The following NLGN1 variants were observed in gnomAD, a reference collection of about 807,000 sequenced individuals.
NLGN1 encodes the protein neuroligin-1.
Under a neutral mutation model 65.5 loss-of-function variants are expected in NLGN1, and 12 were observed. The ratio of observed to expected loss-of-function variants is 0.18; its 90% CI spans 0.12 to 0.30. NLGN1 has a LOEUF of 0.30. Among genes scored for constraint, NLGN1 ranks in the 10% least tolerant of loss-of-function variants. The pLI, the probability that NLGN1 is intolerant of heterozygous loss-of-function variation, is 1.00. For missense variants in NLGN1, 750 were observed against 1,007.1 expected, an observed-to-expected ratio of 0.74 and a Z score of 3.46; for synonymous variants, 350 against 359.5, an observed-to-expected ratio of 0.97 and a Z score of 0.30.
At chr3:173,537,399 C>T (rs972790280) in intron 2 of NLGN1, among the ~76,000 whole-genome samples, 1 of 152,024 alleles carries the variant, frequency 6.6e-6, no homozygotes, top group Non-Finnish European at 1.5e-5. Flanking sequence ...TTCTCCTTGA[C>T]ATTCCATAAC....
intron 4 of NLGN1, among the ~76,000 whole-genome samples, chr3:174,267,232 C>T (rs1246406148): frequency 6.6e-6 from 1 of 152,190 alleles, no homozygotes; most frequent in Non-Finnish European, 1.5e-5. Context: ...GTACAAGAAA[C>T]ATCACAGCAG....
intron 4 of NLGN1, among the ~76,000 whole-genome samples, chr3:174,015,697 G>A (rs1266929887): frequency 6.6e-6 from 1 of 152,080 alleles, no homozygotes; most frequent in East Asian, 1.9e-4. Flanking sequence ...TTTTTACAAT[G>A]GAGAAAACAG....
intron 2 of NLGN1, among the ~76,000 whole-genome samples, chr3:173,450,006 CTCTTTATCCAAT>C (rs1271154166): frequency 6.6e-6 from 1 of 152,156 alleles, no homozygotes; most frequent in African/African-American, 2.4e-5. Flanking sequence ...TGGGTGTTGA[CTCTTTATCCAAT>C]TTGCCAGTCT....
intron 3 of NLGN1, among the ~76,000 whole-genome samples, chr3:173,767,838 G>T (rs1470121974): frequency 6.6e-6 from 1 of 151,936 alleles, no homozygotes; most frequent in Non-Finnish European, 1.5e-5. Context: ...CAAATCATTT[G>T]TCAAAATTCA....
intron 3 of NLGN1, among the ~76,000 whole-genome samples, chr3:173,692,759 A>T (rs1765658912): frequency 6.6e-6 from 1 of 152,112 alleles, no homozygotes; most frequent in African/African-American, 2.4e-5. Flanking sequence ...ACTTTTTTGC[A>T]ATATACTTAG....
intron 3 of NLGN1, among the ~76,000 whole-genome samples, chr3:173,609,965 A>G (rs1474666262): frequency 6.6e-6 from 1 of 151,878 alleles, no homozygotes; most frequent in East Asian, 1.9e-4. Context: ...AATATAGCAG[A>G]TCTGGAAAGG....
At chr3:173,685,475 A>G (rs568015140) in intron 3 of NLGN1, among the ~76,000 whole-genome samples, 1 of 152,176 alleles carries the variant, frequency 6.6e-6, no homozygotes, top group Non-Finnish European at 1.5e-5. Flanking sequence ...TACTTAAACA[A>G]TATTGCTGGG....
intron 4 of NLGN1, among the ~76,000 whole-genome samples, chr3:173,906,939 A>C (rs1738540751): frequency 6.6e-6 from 1 of 152,062 alleles, no homozygotes; most frequent in Non-Finnish European, 1.5e-5. Flanking sequence ...TTAATTAATA[A>C]ATGCTTGAAA....
chr3:173,605,101 T>A lies in NLGN1; in HGVS notation c.493+10T>A. On this transcript the variant is annotated intron_variant, in intron 3 of 6. Coordinates refer to ENST00000457714, the Ensembl canonical transcript of NLGN1. Reference sequence around the variant, plus strand: ...GTCCCGACTGAGGATGGTGAGTTTATTGCAGGAAAAACAGGGAGATATATT... The same window carrying A: ...GTCCCGACTGAGGATGGTGAGTTTAATGCAGGAAAAACAGGGAGATATATT... 6.3e-7 allele frequency: 1 copy of A among 1,582,088 alleles called. No individual in the cohort carries two copies. The highest frequency in any genetic ancestry group is 8.6e-7 in the Non-Finnish European group (1 of 1,165,962).
chr3:173,865,563 A>G lies in NLGN1; in HGVS notation c.646+57731A>G, dbSNP rs77998601. Among the ~76,000 whole-genome samples the G allele has an allele frequency of 4.4e-3, 673 of 152,282 alleles. 2 individuals carry two copies. The highest frequency in any genetic ancestry group is 0.014 in the Middle Eastern group (4 of 294). Reference sequence around the variant, plus strand: ...CACAATCTTACGGATAAAAACTTGCAGCACTGATAGATTTTTAAAAAAACA... The same window carrying G: ...CACAATCTTACGGATAAAAACTTGCGGCACTGATAGATTTTTAAAAAAACA... On this transcript the variant is annotated intron_variant, in intron 4 of 6. Coordinates refer to ENST00000457714, the Ensembl canonical transcript of NLGN1.
intron 4 of NLGN1, among the ~76,000 whole-genome samples, chr3:173,971,145 A>G (rs1309090279): frequency 1.3e-5 from 2 of 152,188 alleles, no homozygotes; most frequent in Non-Finnish European, 2.9e-5. Flanking sequence ...TGGAAAAATA[A>G]AATAAAATCC....
chr3:173,809,721 G>A (rs1248364424), intron 4 of NLGN1, among the ~76,000 whole-genome samples: 1 of 152,038 alleles, frequency 6.6e-6, no homozygotes, highest in African/African-American at 2.4e-5. Context: ...GAACTGATGA[G>A]GACTTGACTT....
intron 4 of NLGN1, among the ~76,000 whole-genome samples, chr3:174,035,171 A>G (rs1376016402): frequency 1.3e-5 from 2 of 152,134 alleles, no homozygotes; most frequent in Admixed American, 6.6e-5. Flanking sequence ...AGTGGTATTT[A>G]CTCTATGTTT....
Position 173,512,716 on chromosome 3 carries a change from G to A in NLGN1, c.-321+77638G>A, listed in dbSNP as rs79963543. 1.5e-3 allele frequency among the ~76,000 whole-genome samples: 231 copies of A among 152,220 alleles called. No individual in the cohort carries two copies. In the East Asian group the frequency reaches 0.032, roughly 21 times the overall value. ...TTCAGGCTTTTTGGTTCAAAGGTGG[G>A]GATTTGCCAGGGACCAACCCCTGTC... On this transcript the variant is annotated intron_variant, in intron 2 of 6. Coordinates refer to ENST00000457714, the Ensembl canonical transcript of NLGN1.
chr3:174,286,414 A>G (rs1246157968), exon 7 of NLGN1: 2 of 151,532 alleles, frequency 1.3e-5, no homozygotes, highest in Admixed American at 1.3e-4. Flanking sequence ...CCATTTTTGA[A>G]TGCCATTTTC....
intron 4 of NLGN1, among the ~76,000 whole-genome samples, chr3:174,131,765 A>G (rs753984613): frequency 1.1e-4 from 17 of 152,194 alleles, no homozygotes; most frequent in Non-Finnish European, 2.4e-4. Flanking sequence ...AAAGCTTGCC[A>G]ATTAGCTCAA....
At chr3:174,178,401 C>T (rs1729823707) in intron 4 of NLGN1, among the ~76,000 whole-genome samples, 1 of 152,050 alleles carries the variant, frequency 6.6e-6, no homozygotes, top group Non-Finnish European at 1.5e-5. Flanking sequence ...GATGAAAGTG[C>T]CCTGCTGCAA....
chr3:173,480,787 T>C (rs13321302), intron 2 of NLGN1, among the ~76,000 whole-genome samples: 1,602 of 152,198 alleles, frequency 0.011, 29 homozygotes, highest in African/African-American at 0.037. Context: ...TTATTAAGTA[T>C]AGGTTCTTTG....
chr3:173,919,331 C>G (rs1741456872), intron 4 of NLGN1, among the ~76,000 whole-genome samples: 1 of 152,154 alleles, frequency 6.6e-6, no homozygotes. Flanking sequence ...TTCAAGTTTA[C>G]TGTTGTTCAT....
Sources: allele counts gnomAD v4.1 joint callset (sites outside exome capture counted in the v4.1 genomes callset), GRCh38; gene constraint gnomAD v4.1.1; transcripts MANE v1.5; gene names NCBI Gene and HGNC (gene_info 2026-07-23, HGNC 2026-07-21).